THSD4: variants seen among roughly 807,000 people sequenced by gnomAD.
THSD4 encodes thrombospondin type-1 domain-containing protein 4.
In THSD4, 69 loss-of-function variants were observed where a neutral mutation model predicts 119.0. That is an observed-to-expected ratio of 0.58 (90% confidence interval 0.48 to 0.71). The LOEUF (loss-of-function observed/expected upper bound fraction) is 0.71. THSD4 is among the 30% of genes least tolerant of loss of function. The pLI is 0.00. For synonymous variants in THSD4, 524 were observed against 540.4 expected (o/e 0.97, Z 0.42); for missense variants, 1,393 against 1,391.1 (o/e 1.00, Z -0.02).
intron 6 of THSD4, among the ~76,000 whole-genome samples, chr15:71,317,648 G>A (rs1233567106): frequency 1.3e-5 from 2 of 152,154 alleles, no homozygotes; most frequent in Non-Finnish European, 2.9e-5. Flanking sequence ...ATATCAGATG[G>A]CAAAATGTAC....
intron 7 of THSD4, among the ~76,000 whole-genome samples, chr15:71,503,757 C>T (rs561330644): frequency 3.3e-5 from 5 of 152,276 alleles, no homozygotes; most frequent in African/African-American, 1.2e-4. Flanking sequence ...GAATGTCACT[C>T]TCCAGGGTTG....
At chr15:71,361,789 C>T (rs2045894809) in intron 6 of THSD4, among the ~76,000 whole-genome samples, 1 of 152,126 alleles carries the variant, frequency 6.6e-6, no homozygotes, top group African/African-American at 2.4e-5. Context: ...TTCATCCATA[C>T]AAAGGGATAT....
At chr15:71,472,177 A>C (rs1394146349) in intron 7 of THSD4, among the ~76,000 whole-genome samples, 1 of 152,092 alleles carries the variant, frequency 6.6e-6, no homozygotes, top group African/African-American at 2.4e-5. Context: ...TCAGCCTCCT[A>C]AAGTGCTGGA....
intron 2 of THSD4, among the ~76,000 whole-genome samples, chr15:71,153,118 C>T (rs1223219990): frequency 1.3e-5 from 2 of 152,180 alleles, no homozygotes; most frequent in African/African-American, 4.8e-5. Context: ...GAGAATCAGG[C>T]ACCAATCCTT....
chr15:71,716,180 G>T (rs932359279), intron 8 of THSD4, among the ~76,000 whole-genome samples: 1 of 152,040 alleles, frequency 6.6e-6, no homozygotes, highest in African/African-American at 2.4e-5. Context: ...TCCAGCCTTT[G>T]TTTTCACATG....
intron 6 of THSD4, among the ~76,000 whole-genome samples, chr15:71,379,818 G>C (rs902849784): frequency 6.6e-6 from 1 of 151,806 alleles, no homozygotes; most frequent in Middle Eastern, 3.4e-3. Flanking sequence ...TGTTGTTGTT[G>C]TTTAAAAAAA....
rs2046787784 is a variant in THSD4, at chr15:71,419,436, A to G, written c.1152+7613A>G. Among the ~76,000 whole-genome samples, 2 of 107,736 alleles carry G rather than the reference A, an allele frequency of 1.9e-5. 1 individual carries two copies. The allele number at this position is 107,736 out of a possible 152,430, so 70.7% of individuals were successfully genotyped here. A position where few individuals can be genotyped will look rare whatever the true frequency, so the allele number is the denominator to read the frequency against. On this transcript the variant is annotated intron_variant, in intron 7 of 17. Coordinates refer to ENST00000261862, the MANE Select transcript of THSD4 (RefSeq NM_024817.3). ...GGCTGGTCTTGAACTCCTAGGCTCA[A>G]GCACTTCTCCTGCCTTGGCCTCCCA...
intron 8 of THSD4, among the ~76,000 whole-genome samples, chr15:71,725,256 A>G (rs1190960688): frequency 6.9e-6 from 1 of 145,702 alleles, no homozygotes; most frequent in Non-Finnish European, 1.5e-5. Flanking sequence ...TTACTGAGAT[A>G]AGAAACACTG....
chr15:71,362,595 G>A (rs1463032341), intron 6 of THSD4, among the ~76,000 whole-genome samples: 2 of 152,116 alleles, frequency 1.3e-5, no homozygotes, highest in African/African-American at 4.8e-5. Flanking sequence ...GTGAGTTAAG[G>A]TAAGCACATA....
chr15:71,279,204 TAGAA>T (rs2044624554), intron 6 of THSD4, among the ~76,000 whole-genome samples: 2 of 152,164 alleles, frequency 1.3e-5, no homozygotes, highest in South Asian at 4.1e-4. Context: ...TGCCAAAAAT[TAGAA>T]AGGGGAAGCA....
At chr15:71,722,993 G>A (rs540945562) in intron 8 of THSD4, among the ~76,000 whole-genome samples, 1 of 151,618 alleles carries the variant, frequency 6.6e-6, no homozygotes, top group Non-Finnish European at 1.5e-5. Flanking sequence ...TCTTTTTCGA[G>A]TCACTTGGTA....
intron 7 of THSD4, among the ~76,000 whole-genome samples, chr15:71,429,163 C>T (rs112441811): frequency 2.6e-5 from 4 of 152,102 alleles, no homozygotes; most frequent in African/African-American, 9.7e-5. Flanking sequence ...TTGTAAAATG[C>T]GTGACACAGG....
chr15:71,660,425 G>T, intron 7 of THSD4, 105 bp from the exon 8 acceptor site: 1 of 1,400,114 alleles, frequency 7.1e-7, no homozygotes, highest in Non-Finnish European at 9.9e-7. Flanking sequence ...TATACATTTC[G>T]TAAATAGCTA....
intron 3 of THSD4, among the ~76,000 whole-genome samples, chr15:71,160,736 T>C (rs1449847872): frequency 6.6e-6 from 1 of 151,886 alleles, no homozygotes; most frequent in Non-Finnish European, 1.5e-5. Context: ...TGTTCACCTT[T>C]TCAAAACACA....
intron 6 of THSD4, among the ~76,000 whole-genome samples, chr15:71,294,076 C>A (rs1786837325): frequency 6.6e-6 from 1 of 152,114 alleles, no homozygotes; most frequent in Non-Finnish European, 1.5e-5. Context: ...CTTCTAGCTC[C>A]TTCTGTTCTC....
intron 1 of THSD4, among the ~76,000 whole-genome samples, chr15:71,136,804 C>G (rs1050123953): frequency 6.6e-6 from 1 of 151,868 alleles, no homozygotes; most frequent in African/African-American, 2.4e-5. Context: ...CTGGTCAGGC[C>G]CTGAGGAGAA....
chr15:71,727,555 T>TAC lies in THSD4; in HGVS notation c.1358-993_1358-992insCA, dbSNP rs1567121934. Among the ~76,000 whole-genome samples, 36 of 121,730 alleles carry TAC rather than the reference T, an allele frequency of 3.0e-4. 4 individuals carry two copies. The highest frequency in any genetic ancestry group is 1.4e-3 in the African/African-American group (36 of 24,926). The allele number at this position is 121,730 out of a possible 152,430, so 79.9% of individuals were successfully genotyped here. A position where few individuals can be genotyped will look rare whatever the true frequency, so the allele number is the denominator to read the frequency against. ...TTAAAAAAAAAAAAAAAAAAAAAAA[T>TAC]ATATATATATATATATATATATATA... On this transcript the variant is annotated intron_variant, in intron 8 of 17. Transcript: ENST00000261862.
intron 6 of THSD4, among the ~76,000 whole-genome samples, chr15:71,327,918 G>T (rs1187334443): frequency 6.6e-6 from 1 of 152,190 alleles, no homozygotes; most frequent in African/African-American, 2.4e-5. Context: ...ATTCAGCCGG[G>T]TCTGTGCAAG....
intron 2 of THSD4, among the ~76,000 whole-genome samples, chr15:71,149,750 G>C (rs2040701773): frequency 6.6e-6 from 1 of 152,058 alleles, no homozygotes; most frequent in South Asian, 2.1e-4. Context: ...ATATGCCCAA[G>C]TGGTGTTGAG....
Sources: gnomAD v4.1 joint callset for allele counts (sites outside exome capture counted in the v4.1 genomes callset) on GRCh38, gnomAD v4.1.1 for gene constraint, MANE v1.5 for transcripts, NCBI Gene and HGNC (gene_info 2026-07-23, HGNC 2026-07-21) for gene names.